The following ME3 variants were observed in gnomAD, a reference collection of about 807,000 sequenced individuals.
ME3 encodes malic enzyme 3, also known as NADP-dependent malic enzyme, mitochondrial.
Under a neutral mutation model 68.9 loss-of-function variants are expected in ME3, and 48 were observed. The ratio of observed to expected loss-of-function variants is 0.70; its 90% confidence interval spans 0.55 to 0.89. The LOEUF is 0.89. Ranked by LOEUF, ME3 falls within the 40% of genes least tolerant of loss-of-function variation. The pLI is 0.00. For missense variants in ME3, 675 were observed against 797.4 expected, an observed-to-expected ratio of 0.85 and a Z score of 1.85; for synonymous variants, 320 against 318.8, an observed-to-expected ratio of 1.00 and a Z score of -0.04.
Position 86,496,942 on chromosome 11 carries a change from G to A in ME3, c.705+1021C>T, listed in dbSNP as rs1417751215. 2.0e-5 allele frequency among the ~76,000 whole-genome samples: 3 copies of A among 151,364 alleles called. No homozygotes were observed. In the East Asian group the frequency reaches 5.8e-4, roughly 29 times the overall value. On this transcript the variant is annotated intron_variant, in intron 6 of 14. Transcript: ENST00000543262. ...GTAAACAATGATTAGTGCTTGTTAT[G>A]TGGCTGATATCTTATTTTTAACATT... is the stretch of plus-strand genomic sequence containing the variant.
At chr11:86,457,905 T>A in intron 8 of ME3, 1 of 948,908 alleles carries the variant, frequency 1.1e-6, no homozygotes, top group Non-Finnish European at 1.4e-6. Context: ...CTTTTAATAG[T>A]CAGATTTGAC....
intron 4 of ME3, among the ~76,000 whole-genome samples, chr11:86,531,594 C>A (rs932400318): frequency 6.6e-6 from 1 of 152,166 alleles, no homozygotes; most frequent in Non-Finnish European, 1.5e-5. Flanking sequence ...GACTTGGAAC[C>A]AACCCAAATG....
At position 86,443,743 on chromosome 11, in the gene ME3, G is replaced by A. The variant is rs566608544; in HGVS notation, c.1555-824C>T. ...CTCAATGTTTTCAGATATTAGGGAA[G>A]TGGGCCTCCCTCTCTACCTCCTTCT... is the stretch of plus-strand genomic sequence containing the variant. On this transcript the variant is annotated intron_variant, in intron 13 of 14. Transcript: ENST00000543262. Among the ~76,000 whole-genome samples, 4 of 152,360 alleles carry A rather than the reference G, an allele frequency of 2.6e-5. No homozygotes were observed. The East Asian group carries it at 7.7e-4, about 29-fold the overall frequency.
At chr11:86,575,688 G>A (rs1051781261) in intron 2 of ME3, among the ~76,000 whole-genome samples, 5 of 152,164 alleles carry the variant, frequency 3.3e-5, no homozygotes, top group African/African-American at 9.7e-5. Context: ...CTTCATGCAC[G>A]CCTCTACCAG....
chr11:86,454,569 GA>G (rs1203452305), intron 8 of ME3, among the ~76,000 whole-genome samples: 1 of 152,210 alleles, frequency 6.6e-6, no homozygotes, highest in East Asian at 1.9e-4. Context: ...GTCTTAACAT[GA>G]AGACAGTTAT....
chr11:86,522,389 G>A (rs1954390080), intron 4 of ME3, among the ~76,000 whole-genome samples: 1 of 150,354 alleles, frequency 6.7e-6, no homozygotes, highest in African/African-American at 2.5e-5. Flanking sequence ...TTAGGTTCTA[G>A]GATATATGTG....
intron 5 of ME3, among the ~76,000 whole-genome samples, chr11:86,507,901 C>T (rs1386328663): frequency 6.6e-6 from 1 of 151,670 alleles, no homozygotes; most frequent in African/African-American, 2.4e-5. Flanking sequence ...GGGAGGATCA[C>T]CTGAGCCCAG....
chr11:86,587,200 G>A (rs116600814), intron 2 of ME3, among the ~76,000 whole-genome samples: 3 of 152,308 alleles, frequency 2.0e-5, no homozygotes, highest in African/African-American at 7.2e-5. Context: ...ACAAAGATGC[G>A]GAGGCCCAGG....
At position 86,665,679 on chromosome 11, in the gene ME3, AGAG is replaced by A. The variant is rs1354080165; in HGVS notation, c.183+6080_183+6082del. Among the ~76,000 whole-genome samples, 4 of 152,230 alleles carry A rather than the reference AGAG, an allele frequency of 2.6e-5. No individual in the cohort carries two copies. In the East Asian group the frequency reaches 7.7e-4, roughly 29 times the overall value. On this transcript the variant is annotated intron_variant, in intron 2 of 14. Transcript: ENST00000543262. ...AATAAATGAGAGGCGCTAAAGGGAA[AGAG>A]GAGACCAGCCAGGAGGCTGCTGCAG...
chr11:86,512,751 A>G (rs1368293847), intron 4 of ME3, among the ~76,000 whole-genome samples: 1 of 152,194 alleles, frequency 6.6e-6, no homozygotes, highest in African/African-American at 2.4e-5. Flanking sequence ...TTACCGCACT[A>G]AAGTGGGGCA....
intron 2 of ME3, among the ~76,000 whole-genome samples, chr11:86,660,588 C>T (rs1028253094): frequency 6.6e-6 from 1 of 152,124 alleles, no homozygotes; most frequent in Non-Finnish European, 1.5e-5. Flanking sequence ...GTAATTCCCT[C>T]GATTTTTAGC....
At chr11:86,608,071 C>G (rs1033754626) in intron 2 of ME3, among the ~76,000 whole-genome samples, 3 of 152,114 alleles carry the variant, frequency 2.0e-5, no homozygotes, top group Non-Finnish European at 4.4e-5. Flanking sequence ...ACATAAGCAG[C>G]ATACTCCTTA....
chr11:86,634,786 A>T (rs1226076668), intron 2 of ME3, among the ~76,000 whole-genome samples: 2 of 152,174 alleles, frequency 1.3e-5, no homozygotes, highest in Non-Finnish European at 2.9e-5. Context: ...ATCTTATGGA[A>T]GGTTCCTTTG....
chr11:86,553,061 TG>T (rs1197721923), intron 4 of ME3, among the ~76,000 whole-genome samples: 1 of 152,198 alleles, frequency 6.6e-6, no homozygotes, highest in Non-Finnish European at 1.5e-5. Context: ...CACTAGTGAC[TG>T]ACCTTCATGG....
rs567686471 is a variant in ME3, at chr11:86,607,861, G to A, written c.184-48038C>T. Among the ~76,000 whole-genome samples the A allele has an allele frequency of 1.9e-4, 29 of 151,970 alleles. No homozygotes were observed. In the East Asian group the frequency reaches 4.5e-3, roughly 23 times the overall value. ...CGACATGATAGACCTTCAGATATTG[G>A]GGGGGCACTTATCTGCCTTTTGACC... On this transcript the variant is annotated intron_variant, in intron 2 of 14. Transcript: ENST00000543262.
At chr11:86,633,576 T>C (rs936936792) in intron 2 of ME3, among the ~76,000 whole-genome samples, 3 of 152,144 alleles carry the variant, frequency 2.0e-5, no homozygotes, top group African/African-American at 7.2e-5. Context: ...CTTAGGGACA[T>C]TGAGACTTGA....
At chr11:86,663,120 A>G (rs941073358) in intron 2 of ME3, among the ~76,000 whole-genome samples, 114 of 152,240 alleles carry the variant, frequency 7.5e-4, no homozygotes, top group Non-Finnish European at 1.3e-4. Context: ...CTCACTACCA[A>G]AAGATGACAC....
At chr11:86,634,053 C>G (rs985649147) in intron 2 of ME3, among the ~76,000 whole-genome samples, 2 of 152,188 alleles carry the variant, frequency 1.3e-5, no homozygotes, top group African/African-American at 4.8e-5. Context: ...GTCCCCAAAT[C>G]CCTCCCAAAA....
intron 4 of ME3, among the ~76,000 whole-genome samples, chr11:86,545,601 T>A (rs1309233815): frequency 1.3e-5 from 2 of 152,074 alleles, no homozygotes; most frequent in Non-Finnish European, 2.9e-5. Flanking sequence ...GAAATACGAC[T>A]TACAAGGGAT....
Sources: allele counts gnomAD v4.1 joint callset (sites outside exome capture counted in the v4.1 genomes callset), GRCh38; gene constraint gnomAD v4.1.1; transcripts MANE v1.5; gene names NCBI Gene and HGNC (gene_info 2026-07-23, HGNC 2026-07-21).